LOC400499: variants seen among roughly 807,000 people sequenced by gnomAD.
At chr16:11,498,135 G>T in the LOC400499 span, among the ~76,000 whole-genome samples, 1 of 152,130 alleles carries the variant, frequency 6.6e-6, no homozygotes, top group Non-Finnish European at 1.5e-5. Flanking sequence ...CAGCTACAAA[G>T]CATCAAGAAG....
chr16:11,454,449 T>C, the LOC400499 span, among the ~76,000 whole-genome samples: 2 of 152,184 alleles, frequency 1.3e-5, no homozygotes, highest in East Asian at 3.8e-4. Context: ...CCAATAGAAC[T>C]GATGTCTCTA....
chr16:11,433,808 T>C, the LOC400499 span, among the ~76,000 whole-genome samples: 1 of 152,220 alleles, frequency 6.6e-6, no homozygotes, highest in Admixed American at 6.5e-5. Flanking sequence ...ACACAGAGGG[T>C]GGTGAGCCCA....
the LOC400499 span, chr16:11,508,569 T>C: frequency 2.5e-6 from 1 of 396,046 alleles, no homozygotes; most frequent in Non-Finnish European, 4.4e-6. Flanking sequence ...GGCACAGCTG[T>C]GCAGTGCACA....
the LOC400499 span, among the ~76,000 whole-genome samples, chr16:11,467,452 T>TAG: frequency 7.5e-6 from 1 of 132,954 alleles, no homozygotes; most frequent in Non-Finnish European, 1.6e-5. Flanking sequence ...TGTACAAAAA[T>TAG]ATAAAAAAAA....
At chr16:11,526,446 A>C in the LOC400499 span, among the ~76,000 whole-genome samples, 2 of 152,250 alleles carry the variant, frequency 1.3e-5, no homozygotes, top group African/African-American at 4.8e-5. Context: ...TTGGCACAGT[A>C]GGTAAACCTA....
At chr16:11,477,724 C>A in the LOC400499 span, 1 of 396,878 alleles carries the variant, frequency 2.5e-6, no homozygotes, top group Non-Finnish European at 4.4e-6. Flanking sequence ...AATAGGGATC[C>A]TCTCTTACCC....
chr16:11,486,410 A>AGATGGATG, the LOC400499 span, among the ~76,000 whole-genome samples: 27 of 83,012 alleles, frequency 3.3e-4, no homozygotes, highest in African/African-American at 1.6e-3. Flanking sequence ...TTGAGTGAAT[A>AGATGGATG]GATGGATGGA....
At chr16:11,462,285 G>GC in the LOC400499 span, 1 of 1,505,352 alleles carries the variant, frequency 6.6e-7, no homozygotes, top group Non-Finnish European at 8.9e-7. Flanking sequence ...CCCATGGCTG[G>GC]CTGCAGGTCA....
chr16:11,474,363 C>G, the LOC400499 span, among the ~76,000 whole-genome samples: 2 of 152,186 alleles, frequency 1.3e-5, no homozygotes, highest in Non-Finnish European at 2.9e-5. Context: ...TTTTTAGCCA[C>G]TTAATGTAAC....
At chr16:11,412,559 A>G in the LOC400499 span, among the ~76,000 whole-genome samples, 2 of 152,240 alleles carry the variant, frequency 1.3e-5, no homozygotes, top group African/African-American at 4.8e-5. Context: ...CCAGGCCCCC[A>G]GGCCTAAGGG....
chr16:11,515,987 C>T, the LOC400499 span: 12 of 399,806 alleles, frequency 3.0e-5, no homozygotes, highest in African/African-American at 8.2e-5. Context: ...CAGGGAGCAC[C>T]GTGCCAGGTC....
At chr16:11,423,399 G>A in the LOC400499 span, 3 of 397,072 alleles carry the variant, frequency 7.6e-6, no homozygotes, top group Admixed American at 1.3e-4. Flanking sequence ...GGTTTGCACA[G>A]GGACTTGAGG....
At chr16:11,421,233 G>A in the LOC400499 span, among the ~76,000 whole-genome samples, 1 of 152,150 alleles carries the variant, frequency 6.6e-6, no homozygotes, top group Non-Finnish European at 1.5e-5. Context: ...GCCCCAGTGG[G>A]CAGAGCTGGG....
At chr16:11,433,518 C>T in the LOC400499 span, among the ~76,000 whole-genome samples, 1 of 152,142 alleles carries the variant, frequency 6.6e-6, no homozygotes, top group Non-Finnish European at 1.5e-5. Context: ...GTCCCTAATC[C>T]TTGACACAGA....
chr16:11,457,266 C>T, the LOC400499 span: 1 of 517,632 alleles, frequency 1.9e-6, no homozygotes. Context: ...AATAGTGCAG[C>T]TACTGTGGAA....
the LOC400499 span, among the ~76,000 whole-genome samples, chr16:11,406,481 G>A: frequency 1.4e-4 from 21 of 152,218 alleles, no homozygotes; most frequent in Admixed American, 9.8e-4. Context: ...CACCCAGGCC[G>A]CAGTGCAACG....
At chr16:11,383,618 T>C in the LOC400499 span, 3 of 1,232,070 alleles carry the variant, frequency 2.4e-6, no homozygotes, top group Non-Finnish European at 2.0e-6. Flanking sequence ...CGGGGCAGAG[T>C]GCTAGATGGC....
chr16:11,514,556 G>A, the LOC400499 span: 1 of 400,244 alleles, frequency 2.5e-6, no homozygotes, highest in East Asian at 3.6e-5. Context: ...ACCAAGAGGG[G>A]AAGGGACAGC....
At chr16:11,419,794 GAC>G in the LOC400499 span, among the ~76,000 whole-genome samples, 8 of 152,098 alleles carry the variant, frequency 5.3e-5, no homozygotes, top group South Asian at 1.5e-3. Flanking sequence ...GATATGAACA[GAC>G]ACTTCTCAAA....
Sources: gnomAD v4.1 joint callset for allele counts (sites outside exome capture counted in the v4.1 genomes callset) on GRCh38, gnomAD v4.1.1 for gene constraint, MANE v1.5 for transcripts.